IFT74: variants seen among roughly 807,000 people sequenced by gnomAD.
IFT74 encodes intraflagellar transport protein 74 homolog.
IFT74 carries 92 observed loss-of-function variants against 96.7 expected under a neutral mutation model. That is an observed-to-expected ratio of 0.95 (90% CI 0.80 to 1.13). The LOEUF is 1.13. Among genes scored for constraint, IFT74 ranks in the 50% most tolerant of loss-of-function variants. IFT74 has a pLI of 0.00. For synonymous variants in IFT74, 223 were observed against 213.2 expected, an observed-to-expected ratio of 1.05 and a Z score of -0.40; for missense variants, 811 against 698.2, an observed-to-expected ratio of 1.16 and a Z score of -1.82.
chr9:27,030,658 G>A (rs1270023186), intron 13 of IFT74, among the ~76,000 whole-genome samples: 1 of 151,886 alleles, frequency 6.6e-6, no homozygotes, highest in Non-Finnish European at 1.5e-5. Flanking sequence ...AAAGTTATAT[G>A]GTCAGAATTT....
rs144844559 is a variant in IFT74 at position 26,950,197 on chromosome 9, A to T, written c.-20+3051A>T. 3.4e-3 allele frequency among the ~76,000 whole-genome samples: 514 copies of T among 152,180 alleles called. 4 individuals carry two copies. The highest frequency in any genetic ancestry group is 0.012 in the African/African-American group (501 of 41,522). ...TGTGGTGGCACGCGCCTGTAGTCCC[A>T]GCTACTCAGGAGGCTGAGGCAGGAG... On this transcript the variant is annotated intron_variant, in intron 1 of 19. Transcript: ENST00000433700.
intron 4 of IFT74, among the ~76,000 whole-genome samples, chr9:26,981,725 T>G (rs1409963598): frequency 6.6e-6 from 1 of 151,732 alleles, no homozygotes; most frequent in Non-Finnish European, 1.5e-5. Context: ...CAACCCCTTG[T>G]AGCATTTTAA....
At chr9:26,947,251 C>G (rs910814828) in intron 1 of IFT74, 1 of 563,152 alleles carries the variant, frequency 1.8e-6, no homozygotes, top group Non-Finnish European at 3.1e-6. Flanking sequence ...CTGACAGGCA[C>G]TCCGGAATTC....
intron 14 of IFT74, 48 bp from the exon 15 acceptor site, chr9:27,047,226 G>A (rs764637671): frequency 7.3e-6 from 8 of 1,101,286 alleles, no homozygotes; most frequent in South Asian, 1.3e-5. Flanking sequence ...AGTTTATATA[G>A]TGTTAACTCT....
intron 1 of IFT74, among the ~76,000 whole-genome samples, chr9:26,948,561 C>T (rs775858737): frequency 5.5e-5 from 8 of 144,770 alleles, no homozygotes; most frequent in Non-Finnish European, 1.2e-4. Context: ...CCTCGCCTCC[C>T]GGGTTCAAGC....
At chr9:27,021,155 A>T (rs1470543616) in intron 12 of IFT74, among the ~76,000 whole-genome samples, 1 of 152,078 alleles carries the variant, frequency 6.6e-6, no homozygotes, top group Non-Finnish European at 1.5e-5. Flanking sequence ...ATGTATATGT[A>T]TAAATATATA....
intron 13 of IFT74, among the ~76,000 whole-genome samples, chr9:27,035,643 T>C (rs924406787): frequency 3.3e-5 from 5 of 152,238 alleles, no homozygotes; most frequent in Non-Finnish European, 7.3e-5. Context: ...TTAAGGACCA[T>C]ATGTTTAGTA....
Position 26,980,559 on chromosome 9 carries a change from ATT to A in IFT74, c.257-4_257-3del. On this transcript the variant is annotated splice_polypyrimidine_tract_variant and intron_variant, in intron 3 of 19. Transcript: ENST00000380062. ...CGAACTGAACACTAACACTTAAAAC[ATT>A]TTTTTTTAGGTCCCCAGAGGCAAAT... 2.0e-6 allele frequency: 3 copies of A among 1,538,194 alleles called. No individual in the cohort carries two copies. The highest frequency in any genetic ancestry group is 2.7e-6 in the Non-Finnish European group (3 of 1,118,250).
At chr9:27,020,106 G>A (rs1829529490) in intron 12 of IFT74, among the ~76,000 whole-genome samples, 1 of 151,802 alleles carries the variant, frequency 6.6e-6, no homozygotes, top group Admixed American at 6.6e-5. Flanking sequence ...CTCCCGAGTA[G>A]CTGGGACTAC....
At chr9:27,000,786 C>G (rs1017480991) in intron 8 of IFT74, among the ~76,000 whole-genome samples, 1 of 152,112 alleles carries the variant, frequency 6.6e-6, no homozygotes, top group Non-Finnish European at 1.5e-5. Flanking sequence ...ACATGTTTAC[C>G]TATGTAACAA....
In IFT74 at chr9:27,061,386, G is replaced by A. The variant is rs146781417; in HGVS notation, c.1684+735G>A. Among the ~76,000 whole-genome samples, 1,452 of 152,124 alleles carry A rather than the reference G, an allele frequency of 9.5e-3. 17 individuals carry two copies. Among genetic ancestry groups the A allele is most frequent in the African/African-American group, 0.033 (1,358 of 41,498 alleles). ...ATCATCTCTTAAGATTCAGTTTTCC[G>A]GGATCACAGGGCTTGGGTAAAGTTA... On this transcript the variant is annotated intron_variant, in intron 19 of 19. Transcript: ENST00000380062.
chr9:27,006,572 G>A (rs1460688192), intron 8 of IFT74, among the ~76,000 whole-genome samples: 1 of 151,498 alleles, frequency 6.6e-6, no homozygotes, highest in African/African-American at 2.4e-5. Flanking sequence ...AGTCTAGTCT[G>A]GGTGACAAGT....
At chr9:26,974,929 G>A (rs1827042433) in intron 2 of IFT74, among the ~76,000 whole-genome samples, 1 of 152,214 alleles carries the variant, frequency 6.6e-6, no homozygotes, top group Admixed American at 6.5e-5. Flanking sequence ...GAAGAGAGTC[G>A]GGGCTGACTC....
At chr9:26,995,701 A>C (rs369739393) in intron 8 of IFT74, 1 of 1,613,882 alleles carries the variant, frequency 6.2e-7, no homozygotes, top group African/African-American at 1.3e-5. Flanking sequence ...TTTCTGCTTC[A>C]TGCTCTTCCA....
chr9:27,065,004 ACT>A lies in IFT74; in HGVS notation c.*2271_*2272del, dbSNP rs1270592306. ...AACTGACAGAAAGGATGTAGTAAAA[ACT>A]CTTAAGTCCTTGACTCTAGAACTGA... On this transcript the variant is annotated 3_prime_UTR_variant, in exon 20 of 20. Coordinates refer to ENST00000380062, the MANE Select transcript of IFT74 (RefSeq NM_025103.4). Among the ~76,000 whole-genome samples, 1 of 152,074 alleles carries A rather than the reference ACT, an allele frequency of 6.6e-6. No homozygotes were observed. Among genetic ancestry groups the A allele is most frequent in the Non-Finnish European group, 1.5e-5 (1 of 67,984 alleles).
intron 11 of IFT74, among the ~76,000 whole-genome samples, chr9:27,017,500 G>C (rs1829406074): frequency 6.6e-6 from 1 of 152,158 alleles, no homozygotes; most frequent in Admixed American, 6.5e-5. Flanking sequence ...GGGACTATAG[G>C]CACCCAGCCT....
intron 18 of IFT74, among the ~76,000 whole-genome samples, chr9:27,059,814 A>G (rs1002178762): frequency 6.6e-6 from 1 of 152,222 alleles, no homozygotes; most frequent in Non-Finnish European, 1.5e-5. Flanking sequence ...CTGTTGCTTC[A>G]ATTATTGTAT....
At chr9:27,058,942 G>C (rs893956138) in intron 18 of IFT74, among the ~76,000 whole-genome samples, 2 of 152,146 alleles carry the variant, frequency 1.3e-5, no homozygotes, top group Non-Finnish European at 2.9e-5. Flanking sequence ...GAGTGCTGGG[G>C]AAGAAACAAG....
intron 2 of IFT74, among the ~76,000 whole-genome samples, chr9:26,971,458 A>T (rs1333735276): frequency 6.6e-6 from 1 of 152,166 alleles, no homozygotes; most frequent in Admixed American, 6.5e-5. Context: ...AGAGGTTTGG[A>T]TAACATCTCT....
Sources: allele counts gnomAD v4.1 joint callset (sites outside exome capture counted in the v4.1 genomes callset), GRCh38; gene constraint gnomAD v4.1.1; transcripts MANE v1.5; gene names NCBI Gene and HGNC (gene_info 2026-07-23, HGNC 2026-07-21).